Variants in NBEAL2 observed in about 807,000 individuals in gnomAD.
NBEAL2 encodes the protein neurobeachin like 2.
Under a neutral mutation model 299.8 loss-of-function variants are expected in NBEAL2, and 160 were observed. The observed-to-expected ratio is 0.53, with a 90% confidence interval of 0.47 to 0.61. NBEAL2 has a LOEUF of 0.61. Among genes scored for constraint, NBEAL2 ranks in the 20% least tolerant of loss-of-function variants. NBEAL2 has a pLI of 0.00. For synonymous variants in NBEAL2, 1,493 were observed against 1,542.3 expected, an observed-to-expected ratio of 0.97 and a Z score of 0.75; for missense variants, 3,112 against 3,649.0, an observed-to-expected ratio of 0.85 and a Z score of 3.79.
chr3:46,996,579 C>G lies in NBEAL2; in HGVS notation c.2460C>G (p.Thr820=). 6.5e-7 allele frequency: 1 copy of G among 1,530,750 alleles called. No homozygotes were observed. Among genetic ancestry groups the G allele is most frequent in the South Asian group, 1.3e-5 (1 of 78,224 alleles). 94.8% of individuals were successfully genotyped at this position (1,530,750 alleles called of 1,614,324 possible). A position where few individuals can be genotyped will look rare whatever the true frequency, so the allele number is the denominator to read the frequency against. ...CCCTGCAGGCGACGGCTCTGAGGAC[C>G]CTGTGCACCCTGGGTATGCAGCATT... is the stretch of plus-strand genomic sequence containing the variant. ...HEALQATALR[T]LCTLGPNETA... is the part of the protein sequence containing the mutation. Residue 820 remains threonine, a synonymous_variant, in exon 16 of 54, where the codon ACC becomes ACG. Transcript: ENST00000450053.
chr3:47,009,639 C>T lies in NBEAL2; in HGVS notation c.*319C>T, dbSNP rs1575636174. 2.5e-6 allele frequency: 1 copy of T among 396,284 alleles called. No homozygotes were observed. Among genetic ancestry groups the T allele is most frequent in the Non-Finnish European group, 4.6e-6 (1 of 219,378 alleles). 24.5% of individuals were successfully genotyped at this position (396,284 alleles called of 1,614,324 possible). A position where few individuals can be genotyped will look rare whatever the true frequency, so the allele number is the denominator to read the frequency against. On this transcript the variant is annotated 3_prime_UTR_variant, in exon 54 of 54. Transcript: ENST00000450053. ...GTCAAAGCACGAGGGCCGCCTGTGG[C>T]CTTAATTCCTAACGGCGGCCCCGGT...
Position 47,009,375 on chromosome 3 carries a change from C to A in NBEAL2, c.*55C>A. 6.6e-7 allele frequency: 1 copy of A among 1,512,692 alleles called. No individual in the cohort carries two copies. Among genetic ancestry groups the A allele is most frequent in the South Asian group, 1.2e-5 (1 of 82,492 alleles). The allele number at this position is 1,512,692 out of a possible 1,614,324, so 93.7% of individuals were successfully genotyped here. Reference sequence around the variant, plus strand: ...CCCCCGGCAGGCCTGGCCCGGGAGGCCCCGCCCAGAAGTCGGCGGGAACAC... The same window carrying A: ...CCCCCGGCAGGCCTGGCCCGGGAGGACCCGCCCAGAAGTCGGCGGGAACAC... On this transcript the variant is annotated 3_prime_UTR_variant, in exon 54 of 54. Transcript: ENST00000450053.
intron 31 of NBEAL2, 32 bp from the exon 32 acceptor site, chr3:47,002,339 C>A: frequency 1.2e-6 from 2 of 1,608,540 alleles, no homozygotes; most frequent in Non-Finnish European, 1.7e-6. Flanking sequence ...GGGCCCACAT[C>A]GAGCACTGTT....
At chr3:46,993,571 G>A (rs1367531611) in intron 10 of NBEAL2, among the ~76,000 whole-genome samples, 1 of 152,210 alleles carries the variant, frequency 6.6e-6, no homozygotes, top group Admixed American at 6.5e-5. Context: ...TGGGGCACTT[G>A]CTGGCCTGTC....
At position 47,009,545 on chromosome 3, in the gene NBEAL2, G is replaced by T. The variant is rs929264011; in HGVS notation, c.*225G>T. 3.2e-5 allele frequency: 18 copies of T among 563,874 alleles called. No homozygotes were observed. Among genetic ancestry groups the T allele is most frequent in the Admixed American group, 2.0e-4 (6 of 30,716 alleles). 34.9% of individuals were successfully genotyped at this position (563,874 alleles called of 1,614,324 possible). A position where few individuals can be genotyped will look rare whatever the true frequency, so the allele number is the denominator to read the frequency against. The stretch of plus-strand genomic sequence containing the variant: ...GGCCGCCCTGAGGGCCAGCACTGGC[G>T]TCTGCGGCCGCAGCAGCACTTTTTG... On this transcript the variant is annotated 3_prime_UTR_variant, in exon 54 of 54. Coordinates refer to ENST00000450053, the MANE Select transcript of NBEAL2 (RefSeq NM_015175.3).
At position 46,991,259 on chromosome 3, in the gene NBEAL2, G is replaced by A. The variant is rs199694703; in HGVS notation, c.597G>A (p.Leu199=). 1.3e-4 allele frequency: 214 copies of A among 1,608,404 alleles called. No individual in the cohort carries two copies. The highest frequency in any genetic ancestry group is 3.3e-4 in the Middle Eastern group (2 of 6,058). Residue 199 remains leucine (L), a synonymous_variant, in exon 7 of 54, where the codon CTG becomes CTA. Transcript: ENST00000450053. This position sits in a 1 kb window ranked among gnomAD's most constrained non-coding sequence, Gnocchi z 6.2. ...QNADHLPPIL[L]LRLIHLFCAV... is the part of the protein sequence containing the mutation. ...CAGACCACTTGCCTCCCATACTGCT[G>A]TTACGTCTCATCCACCTCTTCTGCG... is the stretch of plus-strand genomic sequence containing the variant.
rs778977031 is a variant in NBEAL2 at position 46,979,954 on chromosome 3, GC to G, written c.51+47del. On this transcript the variant is annotated intron_variant, in intron 1 of 53. Transcript: ENST00000450053. ...CCGCGCCCGCACCCGCACCCGCGGT[GC>G]CCCCAGCTTCGCGCGCCCCGCGCCT... The G allele has an allele frequency of 1.6e-5, 5 of 317,842 alleles. No homozygotes were observed. In the East Asian group the frequency reaches 2.0e-4, roughly 12 times the overall value. 19.7% of individuals were successfully genotyped at this position (317,842 alleles called of 1,614,324 possible). A position where few individuals can be genotyped will look rare whatever the true frequency, so the allele number is the denominator to read the frequency against.
At chr3:46,995,891 C>T (rs1393291747) in intron 14 of NBEAL2, 41 bp from the exon 15 acceptor site, 1 of 1,613,246 alleles carries the variant, frequency 6.2e-7, no homozygotes, top group South Asian at 1.1e-5. Context: ...GAGAGGGGTG[C>T]TGAGTCCCAA....
At chr3:47,005,151 T>C in intron 39 of NBEAL2, 30 bp from the exon 40 acceptor site, 1 of 1,613,688 alleles carries the variant, frequency 6.2e-7, no homozygotes, top group Non-Finnish European at 8.5e-7. Context: ...AGGGGAGGGC[T>C]TCTGCTGACA....
Position 46,999,075 on chromosome 3 carries a change from G to A in NBEAL2, c.3501G>A (p.Val1167=). 1 of 1,591,150 alleles carries A rather than the reference G, an allele frequency of 6.3e-7. No individual in the cohort carries two copies. The part of the protein sequence containing the change: ...GNLEVLLALL[V]RPGSLPLLPD... ...TCGAAGTGCTACTGGCCCTGCTAGT[G>A]CGGCCAGGGTCACTGCCCCTGCTGC... The change falls in exon 24 of 54, where the codon GTG becomes GTA. Residue 1167 remains valine, a synonymous_variant. Coordinates refer to ENST00000450053, the MANE Select transcript of NBEAL2 (RefSeq NM_015175.3).
Position 46,998,898 on chromosome 3 carries a change from A to G in NBEAL2, c.3384+19A>G. 6.3e-7 allele frequency: 1 copy of G among 1,596,320 alleles called. No individual in the cohort carries two copies. Among genetic ancestry groups the G allele is most frequent in the Non-Finnish European group, 8.5e-7 (1 of 1,171,990 alleles). ...CGGTCAGGTAGGCTGGAGGTTGGGG[A>G]GCGGGAGGCTTGGGTGAGGGGAGTG... is the stretch of plus-strand genomic sequence containing the variant. On this transcript the variant is annotated intron_variant, in intron 23 of 53. Coordinates refer to ENST00000450053, the MANE Select transcript of NBEAL2 (RefSeq NM_015175.3).
In NBEAL2 at chr3:46,999,374, G is replaced by A. The variant is rs1226970518; in HGVS notation, c.3603G>A (p.Arg1201=). ...CTGAGCGGAGCCGCCAGCGCCTCCG[G>A]CTGCGGGAGTGTGGTCTCCAGGGTC... The part of the protein sequence containing the change: ...RLPERSRQRL[R]LRECGLQGLV... The change falls in exon 25 of 54, where the codon CGG becomes CGA. Residue 1201 remains arginine, a synonymous_variant. Coordinates refer to ENST00000450053, the MANE Select transcript of NBEAL2 (RefSeq NM_015175.3). 2 of 1,608,046 alleles carry A rather than the reference G, an allele frequency of 1.2e-6. No individual in the cohort carries two copies. The highest frequency in any genetic ancestry group is 2.2e-5 in the East Asian group (1 of 44,586).
chr3:46,999,202 C>G, intron 24 of NBEAL2, 85 bp downstream of exon 24: 1 of 1,533,680 alleles, frequency 6.5e-7, no homozygotes, highest in Non-Finnish European at 8.8e-7. Flanking sequence ...GGCCTTGGGC[C>G]AGCGGATGAA....
chr3:46,984,028 C>G (rs1193574521), intron 1 of NBEAL2, among the ~76,000 whole-genome samples: 1 of 151,604 alleles, frequency 6.6e-6, no homozygotes, highest in Non-Finnish European at 1.5e-5. Context: ...TGTCCAGGCG[C>G]GGTGTTTCAC....
rs1195837205 is a variant in NBEAL2, at chr3:47,007,067, T to C, written c.7136T>C (p.Val2379Ala). Residue 2379 changes from valine (V) to alanine (A), a missense_variant and splice_region_variant, in exon 46 of 54, where the codon GTT becomes GCT. By Grantham distance (64) the Val-to-Ala change is moderately conservative. Transcript: ENST00000450053. ...CTAGGCCTGCCCTTGCCCCTGCAGG[T>C]TGTCAGTGATGGTGTACCCCTGGTG... ...LDELKAFFAE[V>A]VSDGVPLVLA... 1.9e-6 allele frequency: 3 copies of C among 1,609,714 alleles called. No individual in the cohort carries two copies. Among genetic ancestry groups the C allele is most frequent in the South Asian group, 1.1e-5 (1 of 90,494 alleles).
chr3:46,998,993 T>C lies in NBEAL2; in HGVS notation c.3419T>C (p.Leu1140Pro), dbSNP rs773795828. 6.2e-7 allele frequency: 1 copy of C among 1,607,670 alleles called. No individual in the cohort carries two copies. The highest frequency in any genetic ancestry group is 8.5e-7 in the Non-Finnish European group (1 of 1,177,374). The part of the protein sequence containing the change: ...VGALDLLLAL[L>P]HGSLVQESLA... ...GCGCTGGACCTGCTGCTGGCCCTGC[T>C]GCACGGTTCCCTGGTGCAGGAGTCC... is the stretch of plus-strand genomic sequence containing the variant. Residue 1140 changes from leucine (L) to proline (P), a missense_variant, in exon 24 of 54, where the codon CTG (leucine) becomes CCG (proline). By Grantham distance (98) the Leu-to-Pro change is moderately conservative. Around this residue, in one of 3 missense-constraint regions of NBEAL2, gnomAD observed 2,243 missense variants for 2,538.1 expected, o/e 0.88. Coordinates refer to ENST00000450053, the MANE Select transcript of NBEAL2 (RefSeq NM_015175.3).
In NBEAL2 at chr3:47,004,092, T is replaced by A; in HGVS notation, c.5897T>A (p.Phe1966Tyr). Reference sequence around the variant, plus strand: ...CTCCCCATAGGCATCGGCTATGATTTCCGGCGCCCACTGGCCCAGCTGCGT... The same window carrying A: ...CTCCCCATAGGCATCGGCTATGATTACCGGCGCCCACTGGCCCAGCTGCGT... Reference protein sequence around the residue: ...VETEEGIGYDFRRPLAQLREV... With the variant: ...VETEEGIGYDYRRPLAQLREV... Residue 1966 changes from phenylalanine to tyrosine, a missense_variant, in exon 37 of 54, where the codon TTC (phenylalanine) becomes TAC (tyrosine). By Grantham distance (22) the Phe-to-Tyr change is conservative (BLOSUM62 3). Transcript: ENST00000450053. This position sits in a 1 kb window ranked among gnomAD's most constrained non-coding sequence, Gnocchi z 5.0. 2 of 1,612,666 alleles carry A rather than the reference T, an allele frequency of 1.2e-6. No individual in the cohort carries two copies. Among genetic ancestry groups the A allele is most frequent in the Middle Eastern group, 3.3e-4 (2 of 6,054 alleles).
At position 47,000,882 on chromosome 3, in the gene NBEAL2, C is replaced by T. The variant is rs935435065; in HGVS notation, c.4306-119C>T. The T allele has an allele frequency of 1.4e-6, 2 of 1,431,392 alleles. No individual in the cohort carries two copies. Among genetic ancestry groups the T allele is most frequent in the Admixed American group, 4.3e-5 (2 of 46,088 alleles). 88.7% of individuals were successfully genotyped at this position (1,431,392 alleles called of 1,614,324 possible). ...TGCCAGGCTCACTGTTAGCCAAATG[C>T]TCTGACTCCTGGGTGGCTACCCCAG... On this transcript the variant is annotated intron_variant, in intron 27 of 53. Transcript: ENST00000450053. This position sits in a 1 kb window ranked among gnomAD's most constrained non-coding sequence, Gnocchi z 4.5.
At position 46,988,075 on chromosome 3, in the gene NBEAL2, C is replaced by T; in HGVS notation, c.52-594C>T. The T allele has an allele frequency of 8.1e-7, 1 of 1,232,524 alleles. No individual in the cohort carries two copies. Among genetic ancestry groups the T allele is most frequent in the South Asian group, 1.4e-5 (1 of 74,008 alleles). 76.3% of individuals were successfully genotyped at this position (1,232,524 alleles called of 1,614,324 possible). ...GGAACCAGCTCTGGGGCCTGGGGTC[C>T]AGGTAACCAGCAAGGGTGGGTGGAG... On this transcript the variant is annotated intron_variant, in intron 1 of 53. Coordinates refer to ENST00000450053, the MANE Select transcript of NBEAL2 (RefSeq NM_015175.3). The surrounding 1 kb of genome is among the most constrained non-coding windows in gnomAD (Gnocchi z 4.4).
Sources: allele counts gnomAD v4.1 joint callset (sites outside exome capture counted in the v4.1 genomes callset), GRCh38; gene constraint gnomAD v4.1.1; regional missense constraint gnomAD v4.1.1; non-coding constraint Gnocchi (gnomAD v3.1); transcripts MANE v1.5; gene names NCBI Gene and HGNC (gene_info 2026-07-23, HGNC 2026-07-21).